The following DLC1 variants were observed in gnomAD, a reference collection of about 807,000 sequenced individuals.
DLC1 encodes rho GTPase-activating protein 7.
A neutral mutation model predicts 140.3 loss-of-function variants in DLC1; 54 were observed. The ratio of observed to expected loss-of-function variants is 0.38; its 90% CI spans 0.31 to 0.48. The LOEUF is 0.48. Among genes scored for constraint, DLC1 ranks in the 20% least tolerant of loss-of-function variants. DLC1 has a pLI of 0.96. For missense variants in DLC1, 2,536 were observed against 1,907.0 expected, an observed-to-expected ratio of 1.33 and a Z score of -6.14; for synonymous variants, 986 against 728.1, an observed-to-expected ratio of 1.35 and a Z score of -5.70.
intron 6 of DLC1, 50 bp downstream of exon 6, chr8:13,115,536 C>A (rs186254145): frequency 6.6e-7 from 1 of 1,521,198 alleles, no homozygotes; most frequent in Non-Finnish European, 9.1e-7. Flanking sequence ...TACTCGCGAA[C>A]AAGGGATTAT....
Position 13,092,792 on chromosome 8 carries a change from TTGA to T in DLC1, c.3557_3559del (p.Ile1186del). ...GTCAGGCAGCAGCATGATGGCAGCC[TTGA>T]TGGCCTGCAGGCGCTGGTCCTTGGG... On this transcript the variant is annotated inframe_deletion, in exon 13 of 18. Transcript: ENST00000276297. 1 of 1,614,020 alleles carries T rather than the reference TTGA, an allele frequency of 6.2e-7. No individual in the cohort carries two copies. The highest frequency in any genetic ancestry group is 8.5e-7 in the Non-Finnish European group (1 of 1,179,948).
chr8:13,376,495 C>T (rs574609803), intron 4 of DLC1, among the ~76,000 whole-genome samples: 1 of 152,226 alleles, frequency 6.6e-6, no homozygotes, highest in East Asian at 1.9e-4. Context: ...CTGCAACCTA[C>T]CCTTTCAATC....
At chr8:13,323,056 G>A (rs904578759) in intron 4 of DLC1, among the ~76,000 whole-genome samples, 1 of 152,186 alleles carries the variant, frequency 6.6e-6, no homozygotes, top group Non-Finnish European at 1.5e-5. Flanking sequence ...ACTGAAGACA[G>A]ACACTCCAGG....
intron 4 of DLC1, among the ~76,000 whole-genome samples, chr8:13,391,330 T>C (rs1370263461): frequency 1.3e-5 from 2 of 152,228 alleles, no homozygotes; most frequent in East Asian, 3.9e-4. Flanking sequence ...AAAGCTCTGC[T>C]TGTATTCCCA....
chr8:13,321,367 A>G (rs900017701), intron 4 of DLC1, among the ~76,000 whole-genome samples: 10 of 151,760 alleles, frequency 6.6e-5, no homozygotes, highest in Non-Finnish European at 4.4e-5. Flanking sequence ...GTGAAACCCC[A>G]TCTCTACTAA....
At chr8:13,509,658 C>A (rs1368085901) in intron 1 of DLC1, among the ~76,000 whole-genome samples, 2 of 152,076 alleles carry the variant, frequency 1.3e-5, no homozygotes, top group African/African-American at 4.8e-5. Context: ...AGCAGTAATA[C>A]AAATGTTGTA....
chr8:13,091,735 G>A (rs1208365976), intron 13 of DLC1, among the ~76,000 whole-genome samples: 3 of 152,146 alleles, frequency 2.0e-5, no homozygotes. Flanking sequence ...CATGGTGGGG[G>A]AGCAACTTCT....
At chr8:13,506,396 C>T (rs1802066882) in intron 1 of DLC1, among the ~76,000 whole-genome samples, 1 of 151,220 alleles carries the variant, frequency 6.6e-6, no homozygotes, top group Non-Finnish European at 1.5e-5. Context: ...AACAGTACTG[C>T]CATTTTACTT....
At chr8:13,238,806 C>G (rs1377582486) in intron 5 of DLC1, among the ~76,000 whole-genome samples, 1 of 152,116 alleles carries the variant, frequency 6.6e-6, no homozygotes, top group Non-Finnish European at 1.5e-5. Context: ...TCATTCCTCT[C>G]AAGTGATGTG....
intron 4 of DLC1, among the ~76,000 whole-genome samples, chr8:13,321,464 G>A (rs762351063): frequency 7.2e-6 from 1 of 138,396 alleles, no homozygotes; most frequent in Non-Finnish European, 1.5e-5. Context: ...CTTGAACCCA[G>A]GAGGCAGAAG....
chr8:13,462,822 C>T (rs1185380705), intron 2 of DLC1, among the ~76,000 whole-genome samples: 2 of 152,172 alleles, frequency 1.3e-5, no homozygotes, highest in Non-Finnish European at 2.9e-5. Flanking sequence ...AAGGTAACTA[C>T]AAGGTAGTGA....
At chr8:13,233,753 T>A (rs914427601) in intron 5 of DLC1, among the ~76,000 whole-genome samples, 2 of 152,216 alleles carry the variant, frequency 1.3e-5, no homozygotes, top group African/African-American at 4.8e-5. Context: ...ACACAATGTT[T>A]TGATATTTGG....
chr8:13,514,785 G>C lies in DLC1; in HGVS notation c.-309C>G. On this transcript the variant is annotated 5_prime_UTR_variant, in exon 1 of 18. Transcript: ENST00000276297. ...ACAAAAACACCCTCTGCAGCTGGAG[G>C]GAGCCTTAGCTAAGGCAGGATCCTG... 5.0e-6 allele frequency: 2 copies of C among 396,612 alleles called. No individual in the cohort carries two copies. Among genetic ancestry groups the C allele is most frequent in the Non-Finnish European group, 8.9e-6 (2 of 225,060 alleles). 24.6% of individuals were successfully genotyped at this position (396,612 alleles called of 1,614,324 possible). A position where few individuals can be genotyped will look rare whatever the true frequency, so the allele number is the denominator to read the frequency against.
At chr8:13,498,318 T>C (rs578021170) in intron 2 of DLC1, among the ~76,000 whole-genome samples, 1 of 152,166 alleles carries the variant, frequency 6.6e-6, no homozygotes, top group Non-Finnish European at 1.5e-5. Flanking sequence ...AAACCATAAT[T>C]CAGGTAGCAC....
intron 5 of DLC1, among the ~76,000 whole-genome samples, chr8:13,205,325 G>A (rs987206759): frequency 1.3e-5 from 2 of 152,108 alleles, no homozygotes; most frequent in African/African-American, 2.4e-5. Flanking sequence ...TTTTTTAATT[G>A]AAGAATAAAT....
chr8:13,463,799 C>T (rs1484136901), intron 2 of DLC1, among the ~76,000 whole-genome samples: 2 of 152,140 alleles, frequency 1.3e-5, no homozygotes, highest in Admixed American at 1.3e-4. Context: ...TCATCCTTCC[C>T]TAGAGAGTTT....
intron 4 of DLC1, chr8:13,340,997 C>T (rs188840256): frequency 1.3e-5 from 2 of 152,224 alleles, no homozygotes; most frequent in South Asian, 2.1e-4. Context: ...ATATTCACAT[C>T]GAGCTATGGG....
intron 2 of DLC1, among the ~76,000 whole-genome samples, chr8:13,452,582 T>C (rs1200168391): frequency 1.3e-5 from 2 of 152,206 alleles, no homozygotes; most frequent in Non-Finnish European, 2.9e-5. Flanking sequence ...ATGGAAAGTA[T>C]TGCTTTGTTT....
At chr8:13,430,186 C>T (rs1585094092) in intron 2 of DLC1, among the ~76,000 whole-genome samples, 1 of 152,168 alleles carries the variant, frequency 6.6e-6, no homozygotes, top group Non-Finnish European at 1.5e-5. Context: ...TTGGAGAGCG[C>T]ATGAGTCTTC....
Sources: allele counts gnomAD v4.1 joint callset (sites outside exome capture counted in the v4.1 genomes callset), GRCh38; gene constraint gnomAD v4.1.1; transcripts MANE v1.5; gene names NCBI Gene and HGNC (gene_info 2026-07-23, HGNC 2026-07-21).